The following CREBBP variants were observed in gnomAD, a reference collection of about 807,000 sequenced individuals.
CREBBP encodes CREB-binding protein.
A neutral mutation model predicts 265.0 loss-of-function variants in CREBBP; 19 were observed. That is an observed-to-expected ratio of 0.07 (90% CI 0.05 to 0.11). The LOEUF is 0.11. Ranked by LOEUF, CREBBP falls within the 10% of genes least tolerant of loss-of-function variation. The pLI is 1.00. For missense variants in CREBBP, 2,525 were observed against 3,219.0 expected (o/e 0.78, Z 5.22); for synonymous variants, 1,457 against 1,223.7 (o/e 1.19, Z -3.98).
intron 3 of CREBBP, among the ~76,000 whole-genome samples, chr16:3,802,892 C>T (rs566417059): frequency 6.6e-6 from 1 of 152,218 alleles, no homozygotes; most frequent in Admixed American, 6.5e-5. Flanking sequence ...AATCAGAAAA[C>T]GATACCAAAG....
intron 4 of CREBBP, among the ~76,000 whole-genome samples, 186 bp from the exon 5 acceptor site, chr16:3,792,280 A>T (rs1393861626): frequency 6.6e-6 from 1 of 152,206 alleles, no homozygotes; most frequent in Admixed American, 6.5e-5. Flanking sequence ...CTGTTGAGAA[A>T]TCCAAACAAA....
intron 26 of CREBBP, 158 bp from the exon 27 acceptor site, chr16:3,736,973 C>T (rs560940333): frequency 1.8e-5 from 16 of 871,014 alleles, no homozygotes; most frequent in Non-Finnish European, 2.7e-5. Flanking sequence ...GGGCAAGGCT[C>T]GAACTTTATC....
At chr16:3,776,722 T>C (rs1054391038) in intron 11 of CREBBP, among the ~76,000 whole-genome samples, 5 of 151,812 alleles carry the variant, frequency 3.3e-5, no homozygotes, top group African/African-American at 1.2e-4. Flanking sequence ...ATTAAAAAAA[T>C]AAAAAGCTGG....
intron 2 of CREBBP, among the ~76,000 whole-genome samples, chr16:3,832,882 T>G (rs1348322845): frequency 6.6e-6 from 1 of 151,784 alleles, no homozygotes; most frequent in East Asian, 1.9e-4. Context: ...AAAGACGTAA[T>G]TCACATTCAA....
intron 28 of CREBBP, among the ~76,000 whole-genome samples, chr16:3,733,028 G>A (rs971215359): frequency 6.6e-6 from 1 of 152,012 alleles, no homozygotes; most frequent in Non-Finnish European, 1.5e-5. Flanking sequence ...CAAGATGAGA[G>A]AGACTCTTGG....
At position 3,778,016 on chromosome 16, in the gene CREBBP, G is replaced by C. The variant is rs1354653016; in HGVS notation, c.2108C>G (p.Pro703Arg). Residue 703 changes from proline to arginine, a missense_variant, in exon 10 of 31, where the codon CCT becomes CGT. Pro to Arg is a moderately radical substitution (Grantham distance 103). This residue lies in a region of CREBBP where 548 missense variants were observed against 533.0 expected (regional missense o/e 1.03). Transcript: ENST00000262367. ...PVIPQAQPVR[P>R]PNGPLSLPVN... ...GTAGGAAATAAAATCCTTACTTGGA[G>C]GTCTCACAGGTTGTGCCTGTGGAAT... 4 of 1,614,112 alleles carry C rather than the reference G, an allele frequency of 2.5e-6. No homozygotes were observed. In the African/African-American group the frequency reaches 5.3e-5, roughly 22 times the overall value.
At chr16:3,822,334 A>G (rs2054157767) in intron 2 of CREBBP, among the ~76,000 whole-genome samples, 1 of 152,222 alleles carries the variant, frequency 6.6e-6, no homozygotes, top group Non-Finnish European at 1.5e-5. Flanking sequence ...AACGGTTCAG[A>G]GAAAAGGAGA....
At chr16:3,736,986 G>T in intron 26 of CREBBP, 171 bp from the exon 27 acceptor site, 1 of 770,276 alleles carries the variant, frequency 1.3e-6, no homozygotes, top group Non-Finnish European at 2.2e-6. Flanking sequence ...ACTTTATCCT[G>T]AGCAAATGCA....
chr16:3,865,826 C>T (rs184735521), intron 1 of CREBBP, among the ~76,000 whole-genome samples: 11 of 152,178 alleles, frequency 7.2e-5, no homozygotes, highest in African/African-American at 1.7e-4. Context: ...TTAGTAGAGA[C>T]GGGGTTTCAC....
intron 1 of CREBBP, among the ~76,000 whole-genome samples, chr16:3,874,541 A>T (rs1317357958): frequency 6.6e-6 from 1 of 152,228 alleles, no homozygotes; most frequent in Non-Finnish European, 1.5e-5. Flanking sequence ...CTGAAATGGC[A>T]GCCTTGAGTA....
rs2151305244 is a variant in CREBBP, at chr16:3,728,808, G to A, written c.6239C>T (p.Pro2080Leu). 3.1e-6 allele frequency: 5 copies of A among 1,613,688 alleles called. No individual in the cohort carries two copies. Among genetic ancestry groups the A allele is most frequent in the Non-Finnish European group, 4.2e-6 (5 of 1,180,004 alleles). ...GTTCAGCACCTGCTGTTGCTGCTGA[G>A]GGGAGCTGGGCGACTTCAGGGTCCG... is the stretch of plus-strand genomic sequence containing the variant. ...LLRTLKSPSSPQQQQQVLNIL... is the reference protein window; with the variant it reads ...LLRTLKSPSSLQQQQQVLNIL... The change falls in exon 31 of 31, where the codon CCT (proline) becomes CTT (leucine). Residue 2080 changes from proline (P) to leucine (L), a missense_variant. Pro to Leu is a moderately conservative substitution (Grantham distance 98). This residue lies in a region of CREBBP where 275 missense variants were observed against 276.5 expected (regional missense o/e 0.99). Transcript: ENST00000262367. The surrounding 1 kb of genome is among the most constrained non-coding windows in gnomAD (Gnocchi z 8.7).
At chr16:3,818,073 C>T (rs1408798490) in intron 2 of CREBBP, among the ~76,000 whole-genome samples, 2 of 152,062 alleles carry the variant, frequency 1.3e-5, no homozygotes, top group East Asian at 3.9e-4. Flanking sequence ...CAAACAAACT[C>T]CCCCAGTTTT....
Position 3,798,145 on chromosome 16 carries a change from G to A in CREBBP, c.976-4519C>T, listed in dbSNP as rs117846561. On this transcript the variant is annotated intron_variant, in intron 3 of 30. Transcript: ENST00000262367. ...GGACAGCCCAGGCAGAAGGATGCAG[G>A]CAGCCTCCTCTCTACCTCCCACTCA... 6.7e-3 allele frequency among the ~76,000 whole-genome samples: 1,024 copies of A among 152,276 alleles called. 13 individuals carry two copies. The highest frequency in any genetic ancestry group is 0.017 in the Middle Eastern group (5 of 292).
intron 2 of CREBBP, among the ~76,000 whole-genome samples, chr16:3,821,561 CTGTTT>C (rs1329076344): frequency 6.6e-6 from 1 of 152,188 alleles, no homozygotes; most frequent in Admixed American, 6.5e-5. Flanking sequence ...TTTGAAGGCA[CTGTTT>C]CTCCTAATTC....
chr16:3,813,926 C>T (rs1267486896), intron 2 of CREBBP, among the ~76,000 whole-genome samples: 2 of 152,198 alleles, frequency 1.3e-5, no homozygotes, highest in Non-Finnish European at 2.9e-5. Flanking sequence ...ATCTTCCTTC[C>T]ACACCAAATG....
At position 3,757,999 on chromosome 16, in the gene CREBBP, C is replaced by T. The variant is rs2151383826; in HGVS notation, c.3419G>A (p.Arg1140Gln). 1.2e-6 allele frequency: 2 copies of T among 1,613,400 alleles called. No homozygotes were observed. Among genetic ancestry groups the T allele is most frequent in the Non-Finnish European group, 1.7e-6 (2 of 1,179,918 alleles). ...KNPMDLSTIK[R>Q]KLDTGQYQEP... ...TTGGTATTGCCCTGTGTCCAGCTTCCGCTTGATGGTGGAGAGGTCCATGGG... is the reference window on the plus strand; with the variant it reads ...TTGGTATTGCCCTGTGTCCAGCTTCTGCTTGATGGTGGAGAGGTCCATGGG... The change falls in exon 18 of 31, where the codon CGG becomes CAG. Residue 1140 changes from arginine to glutamine, a missense_variant. Around this residue, in one of 19 missense-constraint regions of CREBBP, gnomAD observed 252 missense variants for 452.5 expected, o/e 0.56. Transcript: ENST00000262367.
intron 1 of CREBBP, among the ~76,000 whole-genome samples, chr16:3,869,130 G>T (rs1306991152): frequency 1.3e-5 from 2 of 152,120 alleles, no homozygotes; most frequent in Non-Finnish European, 2.9e-5. Flanking sequence ...ACCCTCAGGT[G>T]TCAGTGCTAA....
At chr16:3,732,640 G>C (rs1387876898) in intron 28 of CREBBP, among the ~76,000 whole-genome samples, 5 of 152,124 alleles carry the variant, frequency 3.3e-5, no homozygotes, top group Non-Finnish European at 5.9e-5. Context: ...GGGTTCAAGT[G>C]ATTCTCCTGC....
In CREBBP at chr16:3,801,012, T is replaced by A. The variant is rs527927360; in HGVS notation, c.976-7386A>T. 8.5e-5 allele frequency among the ~76,000 whole-genome samples: 13 copies of A among 152,310 alleles called. No individual in the cohort carries two copies. The South Asian group carries it at 2.5e-3, about 29-fold the overall frequency. ...ATTCCTCACTCTGTGCCAGGCTCTG[T>A]GTTCAGGGTCCAAGGTACAGCAGTT... On this transcript the variant is annotated intron_variant, in intron 3 of 30. Coordinates refer to ENST00000262367, the MANE Select transcript of CREBBP (RefSeq NM_004380.3).
Sources: gnomAD v4.1 joint callset for allele counts (sites outside exome capture counted in the v4.1 genomes callset) on GRCh38, gnomAD v4.1.1 for gene constraint, gnomAD v4.1.1 regional missense constraint, Gnocchi (gnomAD v3.1) non-coding constraint, MANE v1.5 for transcripts, NCBI Gene and HGNC (gene_info 2026-07-23, HGNC 2026-07-21) for gene names.